Variants in ZCCHC17 observed in about 807,000 individuals in gnomAD.
ZCCHC17 encodes zinc finger CCHC domain-containing protein 17.
ZCCHC17 carries 18 observed loss-of-function variants against 30.6 expected under a neutral mutation model. The ratio of observed to expected loss-of-function variants is 0.59; its 90% CI spans 0.41 to 0.87. The LOEUF (loss-of-function observed/expected upper bound fraction) is 0.87. Ranked by LOEUF, ZCCHC17 falls within the 40% of genes least tolerant of loss-of-function variation. The probability of loss-of-function intolerance (pLI) is 0.00; values close to 1 mark genes in which losing one functional copy is unlikely to be tolerated. For synonymous variants in ZCCHC17, 88 were observed against 92.4 expected (o/e 0.95, Z 0.27); for missense variants, 263 against 284.2 (o/e 0.93, Z 0.54).
chr1:31,356,042 A>G (rs974201462), intron 7 of ZCCHC17, among the ~76,000 whole-genome samples: 2 of 152,218 alleles, frequency 1.3e-5, no homozygotes, highest in Admixed American at 1.3e-4. Context: ...CCTGAGTTGG[A>G]CAGTGGAGAG....
intron 3 of ZCCHC17, among the ~76,000 whole-genome samples, chr1:31,325,311 A>T (rs1021392922): frequency 5.3e-5 from 8 of 152,286 alleles, no homozygotes; most frequent in South Asian, 4.1e-4. Flanking sequence ...TTCTTCCTGG[A>T]TGCAAGACAA....
chr1:31,304,961 T>C (rs545625996), intron 1 of ZCCHC17, among the ~76,000 whole-genome samples: 17 of 152,330 alleles, frequency 1.1e-4, no homozygotes, highest in African/African-American at 3.8e-4. Context: ...AATTTTAATA[T>C]GTAAACTGGA....
chr1:31,335,475 A>G (rs574481756), intron 3 of ZCCHC17, among the ~76,000 whole-genome samples: 1 of 152,178 alleles, frequency 6.6e-6, no homozygotes, highest in Non-Finnish European at 1.5e-5. Flanking sequence ...TCCTGGGCTC[A>G]AGCCATCCTC....
intron 1 of ZCCHC17, among the ~76,000 whole-genome samples, chr1:31,307,676 G>A (rs1646498311): frequency 6.6e-6 from 1 of 151,950 alleles, no homozygotes; most frequent in Admixed American, 6.6e-5. Flanking sequence ...CTGGGTTCAA[G>A]CAATTCCCCT....
intron 2 of ZCCHC17, 144 bp downstream of exon 2, chr1:31,310,308 A>G: frequency 1.5e-6 from 1 of 680,972 alleles, no homozygotes; most frequent in East Asian, 2.9e-5. Context: ...TCTGGCAATC[A>G]CATGTGCCTT....
At chr1:31,331,142 C>CTT (rs113549583) in intron 3 of ZCCHC17, among the ~76,000 whole-genome samples, 1 of 146,472 alleles carries the variant, frequency 6.8e-6, no homozygotes, top group Non-Finnish European at 1.5e-5. Flanking sequence ...TCATAATATT[C>CTT]TTTTTTTTTT....
At chr1:31,298,822 A>G (rs1646236705) in intron 1 of ZCCHC17, among the ~76,000 whole-genome samples, 1 of 152,236 alleles carries the variant, frequency 6.6e-6, no homozygotes. Flanking sequence ...TTGTATATAC[A>G]TGAATTGAGC....
intron 1 of ZCCHC17, among the ~76,000 whole-genome samples, chr1:31,305,938 C>T (rs1251230338): frequency 6.6e-6 from 1 of 152,022 alleles, no homozygotes; most frequent in Non-Finnish European, 1.5e-5. Flanking sequence ...ATTCCAAGAC[C>T]CCCATTGGAT....
At chr1:31,337,320 G>A in intron 4 of ZCCHC17, 45 bp downstream of exon 4, 3 of 1,544,578 alleles carry the variant, frequency 1.9e-6, no homozygotes, top group Non-Finnish European at 2.7e-6. Flanking sequence ...GGATTAGGAA[G>A]AGCTGGGATT....
At chr1:31,316,229 G>T (rs1325590700) in intron 2 of ZCCHC17, among the ~76,000 whole-genome samples, 1 of 152,172 alleles carries the variant, frequency 6.6e-6, no homozygotes, top group Non-Finnish European at 1.5e-5. Flanking sequence ...AGCTACCCAA[G>T]TAGCTGGGAT....
At chr1:31,316,760 G>C (rs1000006199) in intron 2 of ZCCHC17, among the ~76,000 whole-genome samples, 9 of 152,018 alleles carry the variant, frequency 5.9e-5, no homozygotes, top group African/African-American at 2.2e-4. Context: ...CTGTTTCTTT[G>C]GGACTCTCTG....
intron 3 of ZCCHC17, among the ~76,000 whole-genome samples, chr1:31,334,337 C>CTGTG (rs59851204): frequency 2.1e-4 from 18 of 85,608 alleles, no homozygotes; most frequent in African/African-American, 8.4e-4. Context: ...CTCTCTCTCT[C>CTGTG]TGTGTGTGTG....
intron 7 of ZCCHC17, among the ~76,000 whole-genome samples, chr1:31,350,096 G>T (rs1639418826): frequency 6.6e-6 from 1 of 152,138 alleles, no homozygotes; most frequent in Admixed American, 6.5e-5. Flanking sequence ...TTGTGGTCCA[G>T]AAAGAAACAG....
chr1:31,330,475 A>G (rs969551969), intron 3 of ZCCHC17, among the ~76,000 whole-genome samples: 1 of 152,202 alleles, frequency 6.6e-6, no homozygotes, highest in African/African-American at 2.4e-5. Flanking sequence ...CCTTTGGTGT[A>G]GCGTGGGAAG....
chr1:31,358,595 TTTGAG>T (rs1639737603), intron 7 of ZCCHC17, among the ~76,000 whole-genome samples: 1 of 151,952 alleles, frequency 6.6e-6, no homozygotes, highest in Admixed American at 6.6e-5. Flanking sequence ...AACTGGAAGA[TTTGAG>T]TTAAGAGAAG....
intron 2 of ZCCHC17, among the ~76,000 whole-genome samples, chr1:31,316,360 C>G (rs1383798809): frequency 6.6e-6 from 1 of 152,178 alleles, no homozygotes; most frequent in Admixed American, 6.5e-5. Context: ...CCTCAGCCTC[C>G]CAAAGTGCTG....
At chr1:31,308,676 C>T (rs1646525321) in intron 1 of ZCCHC17, among the ~76,000 whole-genome samples, 2 of 152,156 alleles carry the variant, frequency 1.3e-5, no homozygotes, top group Non-Finnish European at 2.9e-5. Flanking sequence ...GCTGGTTTCC[C>T]CTCTGTTTAA....
chr1:31,312,254 A>G (rs1247835540), intron 2 of ZCCHC17, among the ~76,000 whole-genome samples: 23 of 152,158 alleles, frequency 1.5e-4, no homozygotes, highest in Admixed American at 1.5e-3. Context: ...ATCATAAATA[A>G]ATCGGTTCAC....
Position 31,364,621 on chromosome 1 carries a change from G to A in ZCCHC17, c.*428G>A, listed in dbSNP as rs1640062382. ...TTGGTCTGTCCTGGGCCAACTGGTG[G>A]GTGATCTCTGCTGCATCCAACATGG... On this transcript the variant is annotated 3_prime_UTR_variant, in exon 8 of 8. Transcript: ENST00000344147. 1 of 162,606 alleles carries A rather than the reference G, an allele frequency of 6.1e-6. No homozygotes were observed. Among genetic ancestry groups the A allele is most frequent in the South Asian group, 1.9e-4 (1 of 5,392 alleles). 10.1% of individuals were successfully genotyped at this position (162,606 alleles called of 1,614,324 possible).
Sources: gnomAD v4.1 joint callset for allele counts (sites outside exome capture counted in the v4.1 genomes callset) on GRCh38, gnomAD v4.1.1 for gene constraint, MANE v1.5 for transcripts, NCBI Gene and HGNC (gene_info 2026-07-23, HGNC 2026-07-21) for gene names.